HYAL4: variants seen among roughly 807,000 people sequenced by gnomAD.
The protein encoded by HYAL4 is hyaluronidase 4.
Under a neutral mutation model 35.2 loss-of-function variants are expected in HYAL4, and 37 were observed. That is an observed-to-expected ratio of 1.05 (90% CI 0.81 to 1.38). The LOEUF is 1.38. HYAL4 is among the 40% of genes most tolerant of loss of function. The pLI is 0.00. For synonymous variants in HYAL4, 198 were observed against 203.2 expected (o/e 0.97, Z 0.22); for missense variants, 572 against 572.4 (o/e 1.00, Z 0.01).
At chr7:123,866,822 C>T (rs574517497) in intron 2 of HYAL4, among the ~76,000 whole-genome samples, 169 of 138,898 alleles carry the variant, frequency 1.2e-3, no homozygotes, top group African/African-American at 4.3e-3. Flanking sequence ...GACTGAGTCT[C>T]GCTCTGTTGC....
chr7:123,784,128 T>G, the HYAL4 span, among the ~76,000 whole-genome samples: 5 of 152,190 alleles, frequency 3.3e-5, no homozygotes, highest in African/African-American at 1.2e-4. Context: ...ATCTGTATAG[T>G]AAATAATTTT....
intron 4 of HYAL4, 137 bp downstream of exon 4, chr7:123,874,987 G>A: frequency 1.7e-6 from 1 of 605,622 alleles, no homozygotes; most frequent in Non-Finnish European, 3.0e-6. Context: ...ACATAGCAAA[G>A]GCTAAAAAAT....
chr7:123,841,949 G>A (rs1806079664), upstream of HYAL4, among the ~76,000 whole-genome samples: 1 of 151,792 alleles, frequency 6.6e-6, no homozygotes, highest in African/African-American at 2.4e-5. Flanking sequence ...ACCAGCTCCT[G>A]GATTCATTGA....
chr7:123,857,025 C>T (rs1030189626), intron 2 of HYAL4, among the ~76,000 whole-genome samples: 3 of 152,238 alleles, frequency 2.0e-5, no homozygotes, highest in South Asian at 2.1e-4. Context: ...TAATGGTGGA[C>T]GCCCCTCCCT....
At chr7:123,851,416 G>C (rs965777232) in intron 2 of HYAL4, among the ~76,000 whole-genome samples, 1 of 151,808 alleles carries the variant, frequency 6.6e-6, no homozygotes, top group African/African-American at 2.4e-5. Flanking sequence ...CTGACAGCCC[G>C]TGTGTGTGAT....
intron 1 of HYAL4, among the ~76,000 whole-genome samples, chr7:123,839,633 C>T (rs887939086): frequency 1.3e-5 from 2 of 152,180 alleles, no homozygotes; most frequent in African/African-American, 2.4e-5. Flanking sequence ...TGTCCACATC[C>T]TCTCCAGCAT....
At chr7:123,793,447 G>A in the HYAL4 span, among the ~76,000 whole-genome samples, 2 of 152,258 alleles carry the variant, frequency 1.3e-5, no homozygotes, top group South Asian at 2.1e-4. Context: ...TGGTTTTGCT[G>A]TGTCCCCACC....
chr7:123,800,476 T>TAA, the HYAL4 span, among the ~76,000 whole-genome samples: 228 of 120,326 alleles, frequency 1.9e-3, 2 homozygotes, highest in South Asian at 4.5e-3. Flanking sequence ...GCCTGAAAAT[T>TAA]AAAAAAAAAA....
the HYAL4 span, among the ~76,000 whole-genome samples, chr7:123,782,409 A>C: frequency 6.6e-6 from 1 of 152,312 alleles, no homozygotes; most frequent in East Asian, 1.9e-4. Flanking sequence ...TTTAAAATGC[A>C]AGTAATCTTC....
upstream of HYAL4, among the ~76,000 whole-genome samples, chr7:123,841,600 C>T (rs145763377): frequency 0.043 from 6,498 of 151,988 alleles, 200 homozygotes; most frequent in Middle Eastern, 0.085. Context: ...TGGTAGAATT[C>T]GGCTGTGAAT....
chr7:123,786,292 G>A, the HYAL4 span, among the ~76,000 whole-genome samples: 2 of 152,316 alleles, frequency 1.3e-5, no homozygotes, highest in East Asian at 3.9e-4. Flanking sequence ...TGGGGTGAAA[G>A]AGGTGTCAAA....
At chr7:123,843,864 C>G (rs985026263), upstream of HYAL4, among the ~76,000 whole-genome samples, 2 of 151,906 alleles carry the variant, frequency 1.3e-5, no homozygotes, top group Admixed American at 6.6e-5. Flanking sequence ...TTAAGGTCTT[C>G]TCCACACTGT....
chr7:123,780,634 A>G, the HYAL4 span, among the ~76,000 whole-genome samples: 2 of 152,170 alleles, frequency 1.3e-5, no homozygotes, highest in Admixed American at 6.6e-5. Context: ...CACTGGTCAC[A>G]TATGTGGGGA....
chr7:123,827,167 G>T (rs1375289051), upstream of HYAL4, among the ~76,000 whole-genome samples: 2 of 152,050 alleles, frequency 1.3e-5, no homozygotes, highest in Non-Finnish European at 2.9e-5. Context: ...TAGAAGAGAA[G>T]AGGTCTAAGA....
the HYAL4 span, among the ~76,000 whole-genome samples, chr7:123,791,351 A>G: frequency 2.0e-5 from 3 of 152,354 alleles, no homozygotes; most frequent in African/African-American, 7.2e-5. Flanking sequence ...TCAGTAATTC[A>G]TCATGTAAAT....
the HYAL4 span, among the ~76,000 whole-genome samples, chr7:123,812,465 C>T: frequency 6.6e-6 from 1 of 151,862 alleles, no homozygotes. Context: ...GACTAGGGAC[C>T]AAAATAATGC....
the HYAL4 span, among the ~76,000 whole-genome samples, chr7:123,769,432 A>C: frequency 6.6e-6 from 1 of 152,198 alleles, no homozygotes; most frequent in East Asian, 1.9e-4. Flanking sequence ...AATTTGGAGC[A>C]GACCCAGCAA....
intron 2 of HYAL4, among the ~76,000 whole-genome samples, chr7:123,859,771 T>A (rs1019546773): frequency 1.3e-4 from 20 of 152,242 alleles, no homozygotes; most frequent in Admixed American, 6.5e-5. Context: ...TTTGAGTTTT[T>A]AAAATCAGAT....
upstream of HYAL4, among the ~76,000 whole-genome samples, chr7:123,840,554 T>G (rs565716454): frequency 1.3e-5 from 2 of 152,080 alleles, no homozygotes; most frequent in African/African-American, 4.8e-5. Context: ...GGGGATGGCA[T>G]TGAATCTATA....
Sources: gnomAD v4.1 joint callset for allele counts (sites outside exome capture counted in the v4.1 genomes callset) on GRCh38, gnomAD v4.1.1 for gene constraint, MANE v1.5 for transcripts, NCBI Gene and HGNC (gene_info 2026-07-23, HGNC 2026-07-21) for gene names.